KIAA1671: variants seen among roughly 807,000 people sequenced by gnomAD.
KIAA1671 encodes the protein uncharacterized protein KIAA1671.
A neutral mutation model predicts 131.2 loss-of-function variants in KIAA1671; 52 were observed. The ratio of observed to expected loss-of-function variants is 0.40; its 90% CI spans 0.32 to 0.50. The LOEUF (loss-of-function observed/expected upper bound fraction) is 0.50. Ranked by LOEUF, KIAA1671 falls within the 20% of genes least tolerant of loss-of-function variation. The pLI, the probability that KIAA1671 is intolerant of heterozygous loss-of-function variation, is 0.73. For synonymous variants in KIAA1671, 1,003 were observed against 961.6 expected (o/e 1.04, Z -0.80); for missense variants, 2,360 against 2,364.2 (o/e 1.00, Z 0.04).
chr22:25,130,201 A>G (rs1428779877), intron 6 of KIAA1671, among the ~76,000 whole-genome samples: 1 of 152,266 alleles, frequency 6.6e-6, no homozygotes, highest in Admixed American at 6.5e-5. Context: ...TATGATTTAC[A>G]TACAGCAAAA....
chr22:25,024,729 G>A (rs11912332), intron 1 of KIAA1671: 62,360 of 151,994 alleles, frequency 0.41, 13,382 homozygotes, highest in South Asian at 0.55. Context: ...TCTCTATTCA[G>A]TAATCATGTA....
chr22:24,985,258 T>C (rs1391547308), intron 1 of KIAA1671, among the ~76,000 whole-genome samples: 1 of 152,152 alleles, frequency 6.6e-6, no homozygotes, highest in African/African-American at 2.4e-5. Flanking sequence ...GATGCTAATA[T>C]CCTCCTAAGA....
intron 1 of KIAA1671, among the ~76,000 whole-genome samples, chr22:24,983,011 C>G (rs920540868): frequency 6.6e-6 from 1 of 152,144 alleles, no homozygotes; most frequent in Non-Finnish European, 1.5e-5. Context: ...CCTCTGACAC[C>G]TGCTGTGGGC....
At chr22:25,137,454 T>C (rs1318905838) in intron 6 of KIAA1671, among the ~76,000 whole-genome samples, 1 of 152,236 alleles carries the variant, frequency 6.6e-6, no homozygotes, top group Non-Finnish European at 1.5e-5. Flanking sequence ...TTATTATTCA[T>C]GATGACTGTC....
intron 1 of KIAA1671, among the ~76,000 whole-genome samples, chr22:25,025,300 G>A (rs1199049452): frequency 6.6e-6 from 1 of 152,094 alleles, no homozygotes; most frequent in Non-Finnish European, 1.5e-5. Context: ...TTACCCAGTT[G>A]TAATTGCTTG....
At chr22:25,022,340 CTGTT>C (rs1925720578) in intron 1 of KIAA1671, among the ~76,000 whole-genome samples, 2 of 152,154 alleles carry the variant, frequency 1.3e-5, no homozygotes, top group Admixed American at 1.3e-4. Context: ...AGCTGCCAAA[CTGTT>C]TGGTTTTGAA....
Position 25,095,617 on chromosome 22 carries a change from C to T in KIAA1671, c.4530+46253C>T, listed in dbSNP as rs1930356870. 1.3e-5 allele frequency among the ~76,000 whole-genome samples: 2 copies of T among 152,186 alleles called. 1 individual carries two copies. Among genetic ancestry groups the T allele is most frequent in the South Asian group, 4.1e-4 (2 of 4,824 alleles). ...AGTGAGCTGAGGTCGCGCCACTGCACTCCAGCCTGGGCAACAGTGTGAGGC... is the reference window on the plus strand; with the variant it reads ...AGTGAGCTGAGGTCGCGCCACTGCATTCCAGCCTGGGCAACAGTGTGAGGC... On this transcript the variant is annotated intron_variant, in intron 6 of 12. Transcript: ENST00000358431.
intron 4 of KIAA1671, among the ~76,000 whole-genome samples, chr22:25,037,623 C>T (rs1211857757): frequency 1.3e-5 from 2 of 151,964 alleles, no homozygotes; most frequent in African/African-American, 4.8e-5. Flanking sequence ...TCTTCTATCA[C>T]CTCAAATGGA....
chr22:25,179,407 C>CG, intron 9 of KIAA1671: 1 of 1,611,898 alleles, frequency 6.2e-7, no homozygotes, highest in South Asian at 1.1e-5. Flanking sequence ...AGGTGCGCCT[C>CG]GCGGATCTCC....
At chr22:25,181,886 A>G (rs2146035884) in intron 10 of KIAA1671, 63 bp downstream of exon 10, 6 of 1,518,274 alleles carry the variant, frequency 4.0e-6, no homozygotes, top group Non-Finnish European at 5.3e-6. Context: ...CAGTGTAAAG[A>G]ATAGATTCCG....
In KIAA1671 at chr22:25,001,303, A is replaced by G. The variant is rs11912859; in HGVS notation, c.-207-24330A>G. On this transcript the variant is annotated intron_variant, in intron 1 of 12. Coordinates refer to ENST00000358431, the MANE Select transcript of KIAA1671 (RefSeq NM_001145206.2). ...TATGTGTGTGCATGTGTATATACAT[A>G]TTTTTAATTCCAGTCTATGATTTGC... Among the ~76,000 whole-genome samples the G allele has an allele frequency of 7.9e-3, 1,203 of 152,110 alleles. 18 individuals are homozygous for G. Among genetic ancestry groups the G allele is most frequent in the African/African-American group, 0.027 (1,118 of 41,506 alleles).
rs1921477781 is a variant in KIAA1671, at chr22:24,952,763, T to G, written c.-217T>G. ...GTGGCGGCGCGGCGCGGGCTGGCGG[T>G]GGCTCCACGGTAGGTTGCGCAGCGG... is the stretch of plus-strand genomic sequence containing the variant. On this transcript the variant is annotated 5_prime_UTR_variant, in exon 1 of 13. Transcript: ENST00000358431. This position sits in a 1 kb window ranked among gnomAD's most constrained non-coding sequence, Gnocchi z 4.5. 6.5e-6 allele frequency: 1 copy of G among 154,690 alleles called. No homozygotes were observed. Among genetic ancestry groups the G allele is most frequent in the Non-Finnish European group, 1.4e-5 (1 of 69,976 alleles). 9.6% of individuals were successfully genotyped at this position (154,690 alleles called of 1,614,324 possible).
At chr22:25,182,047 C>T (rs1201764068) in intron 10 of KIAA1671, among the ~76,000 whole-genome samples, 3 of 152,062 alleles carry the variant, frequency 2.0e-5, no homozygotes, top group African/African-American at 4.8e-5. Flanking sequence ...GGCGTGGTGG[C>T]GGGCGCCTGT....
intron 1 of KIAA1671, among the ~76,000 whole-genome samples, chr22:24,991,053 T>G (rs1432123246): frequency 6.6e-6 from 1 of 152,122 alleles, no homozygotes; most frequent in African/African-American, 2.4e-5. Context: ...GGAGTCTCAC[T>G]CCGTTGTCCA....
chr22:24,978,963 G>T (rs1261150964), intron 1 of KIAA1671, among the ~76,000 whole-genome samples: 2 of 151,196 alleles, frequency 1.3e-5, no homozygotes, highest in East Asian at 3.9e-4. Flanking sequence ...GGGATTATAG[G>T]CATGAGCCAC....
At chr22:25,169,238 G>A (rs958798539) in intron 6 of KIAA1671, among the ~76,000 whole-genome samples, 2 of 151,812 alleles carry the variant, frequency 1.3e-5, no homozygotes, top group East Asian at 1.9e-4. Flanking sequence ...GCAACATGAC[G>A]AGACCCCATC....
intron 6 of KIAA1671, among the ~76,000 whole-genome samples, chr22:25,130,490 A>G (rs1052562990): frequency 6.6e-6 from 1 of 152,238 alleles, no homozygotes; most frequent in African/African-American, 2.4e-5. Context: ...CTGTTATATA[A>G]ATGTATGAGA....
At chr22:25,146,895 C>A (rs1483174381) in intron 6 of KIAA1671, among the ~76,000 whole-genome samples, 1 of 152,142 alleles carries the variant, frequency 6.6e-6, no homozygotes, top group Non-Finnish European at 1.5e-5. Context: ...AGACCTCAGC[C>A]CTGGTCTCCT....
At position 25,038,771 on chromosome 22, in the gene KIAA1671, G is replaced by T; in HGVS notation, c.1641G>T (p.Gly547=). ...TTGTTTCTTTCCAGCAAAAGGAGGG[G>T]CACAGTTTGGATGGAGCATGCATCC... ...PKEPREKQKE[G]HSLDGACIPR... is the part of the protein sequence containing the mutation. Residue 547 remains glycine, a synonymous_variant, in exon 5 of 13, where the codon GGG becomes GGT. Transcript: ENST00000358431. 6.5e-7 allele frequency: 1 copy of T among 1,534,312 alleles called. No homozygotes were observed. Among genetic ancestry groups the T allele is most frequent in the Non-Finnish European group, 8.8e-7 (1 of 1,132,612 alleles).
Sources: allele counts gnomAD v4.1 joint callset (sites outside exome capture counted in the v4.1 genomes callset), GRCh38; gene constraint gnomAD v4.1.1; non-coding constraint Gnocchi (gnomAD v3.1); transcripts MANE v1.5; gene names NCBI Gene and HGNC (gene_info 2026-07-23, HGNC 2026-07-21).